Variants in CNTNAP5 observed in about 807,000 individuals in gnomAD.
CNTNAP5 encodes contactin associated protein family member 5.
In CNTNAP5, 72 loss-of-function variants were observed where a neutral mutation model predicts 150.2. That is an observed-to-expected ratio of 0.48 (90% CI 0.40 to 0.58). CNTNAP5 has a LOEUF of 0.58. CNTNAP5 is among the 20% of genes least tolerant of loss of function. CNTNAP5 has a pLI of 0.00. For missense variants in CNTNAP5, 1,636 were observed against 1,626.2 expected (o/e 1.01, Z -0.10); for synonymous variants, 672 against 619.8 (o/e 1.08, Z -1.25).
intron 17 of CNTNAP5, among the ~76,000 whole-genome samples, chr2:124,787,757 C>T (rs1038132064): frequency 6.6e-6 from 1 of 152,098 alleles, no homozygotes; most frequent in African/African-American, 2.4e-5. Flanking sequence ...ATTATCTATT[C>T]ATTCCTTTAA....
At chr2:124,191,716 A>T (rs1685461200) in intron 1 of CNTNAP5, among the ~76,000 whole-genome samples, 1 of 152,004 alleles carries the variant, frequency 6.6e-6, no homozygotes, top group African/African-American at 2.4e-5. Flanking sequence ...AGGAGTTGAG[A>T]CCAGCCTGAC....
intron 3 of CNTNAP5, among the ~76,000 whole-genome samples, chr2:124,306,507 C>A (rs1256704876): frequency 2.6e-5 from 4 of 152,134 alleles, no homozygotes; most frequent in Non-Finnish European, 4.4e-5. Flanking sequence ...GCCCAGACAT[C>A]AGCCCACACA....
At position 124,737,796 on chromosome 2, in the gene CNTNAP5, G is replaced by A. The variant is rs771130969; in HGVS notation, c.2078-9433G>A. Among the ~76,000 whole-genome samples, 7 of 152,130 alleles carry A rather than the reference G, an allele frequency of 4.6e-5. 1 individual carries two copies. The highest frequency in any genetic ancestry group is 9.6e-5 in the African/African-American group (4 of 41,508). On this transcript the variant is annotated intron_variant, in intron 13 of 23. Transcript: ENST00000682447. ...ATGGCTGTGGCTAGGGTCTGTCGTC[G>A]ACTAGCTGAGTTACTAGCAGGTAAT...
intron 3 of CNTNAP5, among the ~76,000 whole-genome samples, chr2:124,306,618 T>C (rs1688696585): frequency 6.6e-6 from 1 of 151,822 alleles, no homozygotes; most frequent in African/African-American, 2.4e-5. Context: ...TGAGGTGCTA[T>C]CACCAGAACG....
At chr2:124,471,142 A>G (rs911912181) in intron 6 of CNTNAP5, among the ~76,000 whole-genome samples, 1 of 152,196 alleles carries the variant, frequency 6.6e-6, no homozygotes, top group African/African-American at 2.4e-5. Flanking sequence ...ATAACATTGA[A>G]TCTATACATT....
chr2:124,715,268 T>C (rs560438914), intron 13 of CNTNAP5, among the ~76,000 whole-genome samples: 1 of 152,316 alleles, frequency 6.6e-6, no homozygotes. Context: ...ATATTAGACA[T>C]GGCTTTCCTG....
At position 124,850,223 on chromosome 2, in the gene CNTNAP5, C is replaced by G. The variant is rs1402212417; in HGVS notation, c.3218-15083C>G. 3.3e-5 allele frequency among the ~76,000 whole-genome samples: 5 copies of G among 151,994 alleles called. No individual in the cohort carries two copies. In the South Asian group the frequency reaches 8.3e-4, roughly 25 times the overall value. On this transcript the variant is annotated intron_variant, in intron 19 of 23. Transcript: ENST00000682447. ...TTTGTTTCCCCCAAATTCATGCCCACCTGGAACTGAGGATTTTATTTATTT... is the reference window on the plus strand; with the variant it reads ...TTTGTTTCCCCCAAATTCATGCCCAGCTGGAACTGAGGATTTTATTTATTT...
intron 2 of CNTNAP5, among the ~76,000 whole-genome samples, chr2:124,222,177 A>G (rs776854388): frequency 9.2e-5 from 14 of 152,108 alleles, no homozygotes; most frequent in Non-Finnish European, 1.9e-4. Context: ...TTTTCTTTCA[A>G]TAAGTTTAAT....
At chr2:124,582,012 A>G (rs1392929505) in intron 11 of CNTNAP5, among the ~76,000 whole-genome samples, 1 of 152,218 alleles carries the variant, frequency 6.6e-6, no homozygotes, top group African/African-American at 2.4e-5. Flanking sequence ...ATTAAAACAG[A>G]TGGTGAAATC....
Position 124,572,683 on chromosome 2 carries a change from C to T in CNTNAP5, c.1756+9360C>T, listed in dbSNP as rs538885549. Among the ~76,000 whole-genome samples, 32 of 152,264 alleles carry T rather than the reference C, an allele frequency of 2.1e-4. No individual in the cohort carries two copies. The South Asian group carries it at 6.6e-3, about 32-fold the overall frequency. On this transcript the variant is annotated intron_variant, in intron 11 of 23. Coordinates refer to ENST00000682447, the MANE Select transcript of CNTNAP5 (RefSeq NM_001367498.1). ...CATTTGTTGAGCCCTATGTAAGTGC[C>T]GTATGCTTTACTCAGTGGTGAATAC...
intron 13 of CNTNAP5, among the ~76,000 whole-genome samples, chr2:124,714,881 T>C (rs1023811663): frequency 6.6e-5 from 10 of 152,090 alleles, no homozygotes; most frequent in Non-Finnish European, 1.3e-4. Context: ...TCAAGACAGA[T>C]TTGCAAAGTC....
At position 124,392,714 on chromosome 2, in the gene CNTNAP5, AAAG is replaced by A. The variant is rs1204071696; in HGVS notation, c.382-24725_382-24723del. On this transcript the variant is annotated intron_variant, in intron 3 of 23. Transcript: ENST00000682447. ...AAAAAAAAAAAAAAAAAAAAAAGGA[AAAG>A]AAGGAGGGGAGGAAAAAAAAAAGAA... 4.1e-5 allele frequency among the ~76,000 whole-genome samples: 5 copies of A among 121,512 alleles called. No individual in the cohort carries two copies. In the South Asian group the frequency reaches 9.3e-4, roughly 23 times the overall value. The allele number at this position is 121,512 out of a possible 152,430, so 79.7% of individuals were successfully genotyped here.
chr2:124,812,265 G>T (rs528355773), intron 19 of CNTNAP5, among the ~76,000 whole-genome samples: 1 of 146,922 alleles, frequency 6.8e-6, no homozygotes, highest in Non-Finnish European at 1.5e-5. Flanking sequence ...AGGCTAGTAA[G>T]AAGCTCCTCA....
chr2:124,553,758 A>G (rs974959819), intron 10 of CNTNAP5, among the ~76,000 whole-genome samples: 1 of 152,342 alleles, frequency 6.6e-6, no homozygotes, highest in African/African-American at 2.4e-5. Context: ...ACCAAAAGGC[A>G]ACCATTGTGG....
chr2:124,278,482 T>C (rs1253411475), intron 3 of CNTNAP5, among the ~76,000 whole-genome samples: 2 of 152,154 alleles, frequency 1.3e-5, no homozygotes, highest in Admixed American at 6.6e-5. Flanking sequence ...ATGGGTTCAC[T>C]TTCTATCCAC....
intron 3 of CNTNAP5, among the ~76,000 whole-genome samples, chr2:124,261,411 T>C (rs1446981369): frequency 6.6e-6 from 1 of 152,154 alleles, no homozygotes; most frequent in African/African-American, 2.4e-5. Flanking sequence ...AAGCTTTTTA[T>C]TTGTCTTGCT....
At position 124,904,063 on chromosome 2, in the gene CNTNAP5, AAC is replaced by A. The variant is rs1491354417; in HGVS notation, c.3655+965_3655+966del. On this transcript the variant is annotated intron_variant, in intron 22 of 23. Transcript: ENST00000682447. ...AGTGAGACTCTGTTTCAAAAAAAAA[AAC>A]AAAAAAAAAAAAACCAAAATGTATC... 1.1e-3 allele frequency among the ~76,000 whole-genome samples: 155 copies of A among 146,734 alleles called. 2 individuals are homozygous for A. The highest frequency in any genetic ancestry group is 3.9e-3 in the African/African-American group (148 of 37,740).
intron 12 of CNTNAP5, among the ~76,000 whole-genome samples, chr2:124,640,187 A>AC (rs1334060176): frequency 1.3e-5 from 2 of 152,204 alleles, no homozygotes; most frequent in Admixed American, 6.5e-5. Flanking sequence ...TCCGTTCCAC[A>AC]CCACTACCCC....
intron 3 of CNTNAP5, among the ~76,000 whole-genome samples, chr2:124,330,590 G>A (rs1689325756): frequency 6.6e-6 from 1 of 152,056 alleles, no homozygotes; most frequent in Non-Finnish European, 1.5e-5. Flanking sequence ...TTGTAAAAAA[G>A]GTGCCTTGCT....
Sources: gnomAD v4.1 joint callset for allele counts (sites outside exome capture counted in the v4.1 genomes callset) on GRCh38, gnomAD v4.1.1 for gene constraint, MANE v1.5 for transcripts, NCBI Gene and HGNC (gene_info 2026-07-23, HGNC 2026-07-21) for gene names.